The following GRIN2A variants were observed in gnomAD, a reference collection of about 807,000 sequenced individuals.
GRIN2A encodes the protein glutamate receptor ionotropic, NMDA 2A.
GRIN2A carries 22 observed loss-of-function variants against 113.4 expected under a neutral mutation model. The observed-to-expected ratio is 0.19, with a 90% confidence interval of 0.14 to 0.28. The LOEUF (loss-of-function observed/expected upper bound fraction) is 0.28. GRIN2A is among the 10% of genes least tolerant of loss of function. The pLI is 1.00. For missense variants in GRIN2A, 1,502 were observed against 1,887.0 expected, an observed-to-expected ratio of 0.80 and a Z score of 3.78; for synonymous variants, 827 against 738.4, an observed-to-expected ratio of 1.12 and a Z score of -1.94.
chr16:10,065,047 G>A (rs757978749), intron 2 of GRIN2A, among the ~76,000 whole-genome samples: 15 of 152,078 alleles, frequency 9.9e-5, no homozygotes, highest in Non-Finnish European at 1.5e-4. Flanking sequence ...AAAATTACAG[G>A]GAAATTTAGC....
chr16:9,851,389 G>A (rs760459533), intron 4 of GRIN2A, among the ~76,000 whole-genome samples: 11 of 152,090 alleles, frequency 7.2e-5, no homozygotes, highest in Non-Finnish European at 1.5e-4. Flanking sequence ...AATGCTGAGC[G>A]CATCAAATTC....
chr16:9,970,019 A>G (rs556173665), intron 2 of GRIN2A, among the ~76,000 whole-genome samples: 1 of 152,310 alleles, frequency 6.6e-6, no homozygotes, highest in East Asian at 1.9e-4. Flanking sequence ...AATCTTATAC[A>G]CACTACAGTT....
intron 3 of GRIN2A, among the ~76,000 whole-genome samples, chr16:9,901,538 C>T (rs1362688154): frequency 1.3e-5 from 2 of 152,160 alleles, no homozygotes; most frequent in African/African-American, 2.4e-5. Context: ...CGGCTCACTG[C>T]AAACTCCACA....
chr16:9,931,551 C>T (rs2044594296), intron 3 of GRIN2A, among the ~76,000 whole-genome samples: 1 of 152,072 alleles, frequency 6.6e-6, no homozygotes. Context: ...TGTCATACTA[C>T]CTAGACCATG....
At chr16:9,920,558 T>C (rs1375233770) in intron 3 of GRIN2A, among the ~76,000 whole-genome samples, 1 of 144,516 alleles carries the variant, frequency 6.9e-6, no homozygotes, top group Non-Finnish European at 1.5e-5. Context: ...TGCATATATG[T>C]GAATTGAATT....
In GRIN2A at chr16:9,925,987, T is replaced by A. The variant is rs75521219; in HGVS notation, c.1007+11972A>T. 1.3e-4 allele frequency among the ~76,000 whole-genome samples: 20 copies of A among 152,338 alleles called. No individual in the cohort carries two copies. The East Asian group carries it at 3.9e-3, about 29-fold the overall frequency. On this transcript the variant is annotated intron_variant, in intron 3 of 12. Coordinates refer to ENST00000330684, the MANE Select transcript of GRIN2A (RefSeq NM_001134407.3). ...TTTTCAAGACAATTTCTTAAGCAAG[T>A]AATACGGGTTCCATCCGGCTCCATC...
chr16:10,160,793 CCTT>C (rs557776493), intron 2 of GRIN2A, among the ~76,000 whole-genome samples: 297 of 152,328 alleles, frequency 1.9e-3, no homozygotes, highest in Non-Finnish European at 3.4e-3. Context: ...TGCTCTTCCT[CCTT>C]CTGTATTCTC....
At chr16:9,962,729 T>C (rs2045467407) in intron 2 of GRIN2A, among the ~76,000 whole-genome samples, 2 of 152,088 alleles carry the variant, frequency 1.3e-5, no homozygotes, top group Non-Finnish European at 1.5e-5. Flanking sequence ...CTCAGGGATC[T>C]AGAACTAGAA....
intron 2 of GRIN2A, among the ~76,000 whole-genome samples, chr16:10,104,103 G>A (rs2048449552): frequency 6.6e-6 from 1 of 152,182 alleles, no homozygotes; most frequent in Non-Finnish European, 1.5e-5. Context: ...ACAAGAGTAG[G>A]CAGAGGCAAA....
At chr16:9,987,846 C>T (rs892410266) in intron 2 of GRIN2A, among the ~76,000 whole-genome samples, 4 of 152,122 alleles carry the variant, frequency 2.6e-5, no homozygotes, top group African/African-American at 4.8e-5. Flanking sequence ...TAATACATTT[C>T]GAGAGTTTAC....
intron 2 of GRIN2A, among the ~76,000 whole-genome samples, chr16:10,003,906 A>G (rs1479349946): frequency 6.6e-6 from 1 of 152,182 alleles, no homozygotes; most frequent in African/African-American, 2.4e-5. Context: ...TGGATCATGC[A>G]GTCACACGTC....
chr16:10,175,744 T>C (rs1191253957), intron 2 of GRIN2A, among the ~76,000 whole-genome samples: 2 of 152,148 alleles, frequency 1.3e-5, no homozygotes. Context: ...TGGATGGATA[T>C]AGCTAAAATC....
chr16:9,941,480 GAGT>G (rs1288538176), intron 2 of GRIN2A, among the ~76,000 whole-genome samples: 1 of 152,230 alleles, frequency 6.6e-6, no homozygotes, highest in Non-Finnish European at 1.5e-5. Flanking sequence ...ATCTGTGAAA[GAGT>G]AGGTGCAAAA....
rs746095246 is a variant in GRIN2A at position 9,764,584 on chromosome 16, G to A, written c.2960C>T (p.Thr987Ile). 6.2e-7 allele frequency: 1 copy of A among 1,614,060 alleles called. No homozygotes were observed. The highest frequency in any genetic ancestry group is 8.5e-7 in the Non-Finnish European group (1 of 1,180,024). Residue 987 changes from threonine to isoleucine, a missense_variant, in exon 13 of 13, where the codon ACT (threonine) becomes ATT (isoleucine). Physicochemically the swap from Thr to Ile is moderately conservative, Grantham distance 89 (BLOSUM62 -1). Transcript: ENST00000330684. ...NYVFQGQHPL[T>I]LNESNPNTVE... ...CGTGTTAGGGTTGGACTCATTGAGA[G>A]TAAGAGGATGTTGTCCCTGGAATAC...
chr16:9,794,585 T>C (rs1279848318), intron 11 of GRIN2A: 1 of 152,186 alleles, frequency 6.6e-6, no homozygotes, highest in Non-Finnish European at 1.5e-5. Flanking sequence ...CCTGGACCAA[T>C]GGCATTTTCT....
At chr16:10,100,373 T>C (rs79151013) in intron 2 of GRIN2A, among the ~76,000 whole-genome samples, 36 of 152,148 alleles carry the variant, frequency 2.4e-4, no homozygotes, top group Non-Finnish European at 4.7e-4. Flanking sequence ...TCGAAGACCT[T>C]TGGTAGTCCT....
intron 4 of GRIN2A, among the ~76,000 whole-genome samples, chr16:9,852,793 A>G (rs1007532582): frequency 2.0e-5 from 3 of 152,178 alleles, no homozygotes; most frequent in African/African-American, 7.2e-5. Context: ...CTATATTCCT[A>G]TTTACAAGGG....
intron 4 of GRIN2A, among the ~76,000 whole-genome samples, chr16:9,880,014 A>G (rs1047457717): frequency 3.3e-5 from 5 of 152,024 alleles, no homozygotes; most frequent in African/African-American, 1.2e-4. Flanking sequence ...ATTACCTCAA[A>G]CTTACCCATT....
chr16:10,099,010 T>C (rs534242877), intron 2 of GRIN2A, among the ~76,000 whole-genome samples: 3 of 151,608 alleles, frequency 2.0e-5, no homozygotes, highest in African/African-American at 7.3e-5. Context: ...ATTTGGGTTA[T>C]TTCAGTTTGT....
Sources: gnomAD v4.1 joint callset for allele counts (sites outside exome capture counted in the v4.1 genomes callset) on GRCh38, gnomAD v4.1.1 for gene constraint, MANE v1.5 for transcripts, NCBI Gene and HGNC (gene_info 2026-07-23, HGNC 2026-07-21) for gene names.